The following ASIC2 variants were observed in gnomAD, a reference collection of about 807,000 sequenced individuals.
ASIC2 encodes the protein acid sensing ion channel subunit 2, also known as acid-sensing ion channel 2.
ASIC2 carries 25 observed loss-of-function variants against 57.3 expected under a neutral mutation model. The ratio of observed to expected loss-of-function variants is 0.44; its 90% CI spans 0.32 to 0.61. ASIC2 has a LOEUF of 0.61. Ranked by LOEUF, ASIC2 falls within the 20% of genes least tolerant of loss-of-function variation. ASIC2 has a pLI of 0.06. For missense variants in ASIC2, 641 were observed against 738.1 expected (o/e 0.87, Z 1.52); for synonymous variants, 319 against 307.5 (o/e 1.04, Z -0.39).
chr17:33,797,430 G>A (rs1911949576), intron 1 of ASIC2, among the ~76,000 whole-genome samples: 1 of 152,168 alleles, frequency 6.6e-6, no homozygotes. Flanking sequence ...AATGGCTGGG[G>A]GAAATAGGTT....
intron 1 of ASIC2, among the ~76,000 whole-genome samples, chr17:33,802,460 T>G (rs1912156916): frequency 6.6e-6 from 1 of 152,214 alleles, no homozygotes; most frequent in Non-Finnish European, 1.5e-5. Context: ...TAGTGAAATT[T>G]GAGAACACAG....
rs548988220 is a variant in ASIC2 at position 33,178,787 on chromosome 17, C to G, written c.709-66720G>C. Among the ~76,000 whole-genome samples the G allele has an allele frequency of 2.6e-5, 4 of 152,308 alleles. No homozygotes were observed. In the East Asian group the frequency reaches 5.8e-4, roughly 22 times the overall value. ...GAGGGCCCCATGCAGGCAGGGGAAG[C>G]TCTGTGTGTGCACTCATACATAAGT... is the stretch of plus-strand genomic sequence containing the variant. On this transcript the variant is annotated intron_variant, in intron 1 of 9. Coordinates refer to ENST00000225823, the MANE Select transcript of ASIC2 (RefSeq NM_183377.2).
At chr17:33,130,038 C>T (rs901445073) in intron 1 of ASIC2, among the ~76,000 whole-genome samples, 6 of 152,080 alleles carry the variant, frequency 3.9e-5, no homozygotes, top group African/African-American at 1.4e-4. Flanking sequence ...TCCTGTATAG[C>T]CCGTCACACA....
chr17:33,297,998 C>A (rs1303259342), upstream of ASIC2, among the ~76,000 whole-genome samples: 1 of 142,362 alleles, frequency 7.0e-6, no homozygotes, highest in Non-Finnish European at 1.5e-5. Context: ...TTTCGTGGCT[C>A]TGTGTCAGTC....
At chr17:33,544,895 T>G (rs965814892) in intron 1 of ASIC2, among the ~76,000 whole-genome samples, 2 of 152,094 alleles carry the variant, frequency 1.3e-5, no homozygotes, top group Non-Finnish European at 2.9e-5. Context: ...CCCCGGAGTT[T>G]CCCTGTGTGC....
In ASIC2 at chr17:33,192,411, A is replaced by T. The variant is rs953820029; in HGVS notation, c.709-80344T>A. ...AAACAAAACAAAACAAAACAAAACA[A>T]AACAAAACAAAACAAAACAAAACAA... is the stretch of plus-strand genomic sequence containing the variant. On this transcript the variant is annotated intron_variant, in intron 1 of 9. Coordinates refer to ENST00000225823, the MANE Select transcript of ASIC2 (RefSeq NM_183377.2). Among the ~76,000 whole-genome samples, 213 of 141,044 alleles carry T rather than the reference A, an allele frequency of 1.5e-3. 2 individuals are homozygous for T. Among genetic ancestry groups the T allele is most frequent in the African/African-American group, 5.2e-3 (209 of 39,886 alleles). 92.5% of individuals were successfully genotyped at this position (141,044 alleles called of 152,430 possible). A position where few individuals can be genotyped will look rare whatever the true frequency, so the allele number is the denominator to read the frequency against.
At chr17:34,013,193 G>A (rs1360219759) in intron 1 of ASIC2, among the ~76,000 whole-genome samples, 1 of 152,212 alleles carries the variant, frequency 6.6e-6, no homozygotes, top group Non-Finnish European at 1.5e-5. Flanking sequence ...GTAACCAGAG[G>A]GAGAGTTTGT....
intron 1 of ASIC2, among the ~76,000 whole-genome samples, chr17:33,987,157 G>A (rs1379032165): frequency 2.0e-5 from 3 of 152,128 alleles, no homozygotes; most frequent in African/African-American, 4.8e-5. Context: ...AGGTCACATG[G>A]CTGTAGAGCA....
intron 1 of ASIC2, among the ~76,000 whole-genome samples, chr17:33,161,216 G>A (rs1357066788): frequency 6.6e-6 from 1 of 152,216 alleles, no homozygotes. Context: ...CTGCTGGAGT[G>A]AGTAAGAGGA....
At chr17:33,053,210 C>T (rs992969041) in intron 3 of ASIC2, among the ~76,000 whole-genome samples, 1 of 152,142 alleles carries the variant, frequency 6.6e-6, no homozygotes, top group East Asian at 1.9e-4. Flanking sequence ...TAACAGAACT[C>T]AAATTATCCA....
At chr17:33,167,323 G>T (rs1905342186) in intron 1 of ASIC2, among the ~76,000 whole-genome samples, 1 of 152,004 alleles carries the variant, frequency 6.6e-6, no homozygotes, top group African/African-American at 2.4e-5. Flanking sequence ...CTCCTCTCTT[G>T]ACCTCTGTTC....
chr17:33,965,538 G>A (rs1163819208), intron 1 of ASIC2, among the ~76,000 whole-genome samples: 2 of 152,128 alleles, frequency 1.3e-5, no homozygotes, highest in Non-Finnish European at 2.9e-5. Flanking sequence ...GGTTGTTCCG[G>A]CCTCCCATAC....
At position 33,292,238 on chromosome 17, in the gene ASIC2, G is replaced by A; in HGVS notation, c.-123C>T. The A allele has an allele frequency of 2.0e-6, 2 of 997,418 alleles. No individual in the cohort carries two copies. Among genetic ancestry groups the A allele is most frequent in the Middle Eastern group, 5.1e-4 (1 of 1,964 alleles). 61.8% of individuals were successfully genotyped at this position (997,418 alleles called of 1,614,324 possible). On this transcript the variant is annotated 5_prime_UTR_variant, in exon 1 of 10. The change creates a new upstream start codon in the 5' untranslated region. Coordinates refer to ENST00000225823, the MANE Select transcript of ASIC2 (RefSeq NM_183377.2). ...CGCGCGCAGCCCGCGCCAGGGAAGC[G>A]TGCGCCCGAAAGGAGCTCCGGTGGC...
chr17:33,265,195 C>A (rs57709093), intron 1 of ASIC2, among the ~76,000 whole-genome samples: 1 of 152,228 alleles, frequency 6.6e-6, no homozygotes, highest in African/African-American at 2.4e-5. Context: ...ATGTTCTCTT[C>A]TGCATCACCT....
At chr17:33,988,705 C>T (rs1905907947) in intron 1 of ASIC2, among the ~76,000 whole-genome samples, 1 of 152,002 alleles carries the variant, frequency 6.6e-6, no homozygotes, top group African/African-American at 2.4e-5. Flanking sequence ...AATCTAATGA[C>T]CTCTTCCTAG....
intron 1 of ASIC2, among the ~76,000 whole-genome samples, chr17:33,381,410 G>T (rs1909483937): frequency 6.6e-6 from 1 of 152,208 alleles, no homozygotes. Flanking sequence ...TTGCTTTCAT[G>T]CCCAGCAAGT....
At chr17:33,260,022 C>T (rs1311722454) in intron 1 of ASIC2, among the ~76,000 whole-genome samples, 2 of 152,146 alleles carry the variant, frequency 1.3e-5, no homozygotes, top group African/African-American at 2.4e-5. Flanking sequence ...CTGGCAGTCC[C>T]AGCTACTTGG....
chr17:33,552,076 G>A (rs577215336), intron 1 of ASIC2, among the ~76,000 whole-genome samples: 17 of 152,318 alleles, frequency 1.1e-4, no homozygotes, highest in East Asian at 1.9e-4. Flanking sequence ...ATTGCCCACC[G>A]CTTCCCGGTA....
chr17:33,697,169 G>A (rs1455574519), intron 1 of ASIC2, among the ~76,000 whole-genome samples: 1 of 152,152 alleles, frequency 6.6e-6, no homozygotes, highest in Admixed American at 6.5e-5. Flanking sequence ...CTCCCCAGAT[G>A]CTGAGCAGAT....
Sources: gnomAD v4.1 joint callset for allele counts (sites outside exome capture counted in the v4.1 genomes callset) on GRCh38, gnomAD v4.1.1 for gene constraint, MANE v1.5 for transcripts, NCBI Gene and HGNC (gene_info 2026-07-23, HGNC 2026-07-21) for gene names.